The following MAP4 variants were observed in gnomAD, a reference collection of about 807,000 sequenced individuals.
MAP4 encodes microtubule-associated protein 4.
Under a neutral mutation model 170.2 loss-of-function variants are expected in MAP4, and 76 were observed. The observed-to-expected ratio is 0.45, with a 90% CI of 0.37 to 0.54. MAP4 has a LOEUF of 0.54. MAP4 is among the 20% of genes least tolerant of loss of function. MAP4 has a pLI of 0.00. For synonymous variants in MAP4, 909 were observed against 994.5 expected (o/e 0.91, Z 1.62); for missense variants, 2,506 against 2,748.0 (o/e 0.91, Z 1.97).
At chr3:47,865,889 G>A (rs191105405) in intron 17 of MAP4, among the ~76,000 whole-genome samples, 6 of 152,260 alleles carry the variant, frequency 3.9e-5, no homozygotes, top group Admixed American at 6.5e-5. Flanking sequence ...TCACACACTC[G>A]ACGATAGTAA....
chr3:47,857,824 T>C (rs1388825556), intron 17 of MAP4, among the ~76,000 whole-genome samples: 1 of 152,028 alleles, frequency 6.6e-6, no homozygotes, highest in Non-Finnish European at 1.5e-5. Flanking sequence ...TTCTCCTGCC[T>C]CAGCCTCCCG....
Position 47,852,753 on chromosome 3 carries a change from T to C in MAP4, c.*181A>G. The C allele has an allele frequency of 6.5e-7, 1 of 1,539,040 alleles. No individual in the cohort carries two copies. The highest frequency in any genetic ancestry group is 8.7e-7 in the Non-Finnish European group (1 of 1,144,120). Reference sequence around the variant, plus strand: ...CGCAAAGCAGGAGGGAAGGCGAGCCTAGCGGGCTGCCCAGCACGGCGCCCA... The same window carrying C: ...CGCAAAGCAGGAGGGAAGGCGAGCCCAGCGGGCTGCCCAGCACGGCGCCCA... On this transcript the variant is annotated 3_prime_UTR_variant, in exon 21 of 21. Transcript: ENST00000683076.
At chr3:47,986,176 G>A (rs1427856007) in intron 2 of MAP4, among the ~76,000 whole-genome samples, 7 of 152,120 alleles carry the variant, frequency 4.6e-5, no homozygotes, top group Admixed American at 4.6e-4. Flanking sequence ...TTGGGGTCTT[G>A]CTATGTTACC....
chr3:47,942,993 C>T (rs1175972164), intron 3 of MAP4, among the ~76,000 whole-genome samples: 2 of 151,916 alleles, frequency 1.3e-5, no homozygotes, highest in Admixed American at 6.6e-5. Context: ...GCACACCTGT[C>T]GTCCCAGTTA....
In MAP4 at chr3:47,916,661, T is replaced by A; in HGVS notation, c.1166A>T (p.Asp389Val). 2 of 1,614,166 alleles carry A rather than the reference T, an allele frequency of 1.2e-6. No homozygotes were observed. Among genetic ancestry groups the A allele is most frequent in the Non-Finnish European group, 1.7e-6 (2 of 1,180,006 alleles). ...ETERASPIKM[D>V]LAPSKDMGPP... ...TCCCATGTCCTTGGAAGGAGCCAAG[T>A]CCATTTTTATAGGAGATGCCCTCTC... The change falls in exon 7 of 21, where the codon GAC becomes GTC. Residue 389 changes from aspartate (D) to valine (V), a missense_variant. By Grantham distance (152) the Asp-to-Val change is radical (BLOSUM62 -3). This residue lies in a region of MAP4 where 2,008 missense variants were observed against 2,206.0 expected (regional missense o/e 0.91). Coordinates refer to ENST00000683076, the MANE Select transcript of MAP4 (RefSeq NM_001385682.1).
chr3:48,041,429 C>T (rs953280817), intron 1 of MAP4, among the ~76,000 whole-genome samples: 1 of 150,852 alleles, frequency 6.6e-6, no homozygotes, highest in South Asian at 2.1e-4. Context: ...ACAATTTATA[C>T]TCTGAAAAAT....
At chr3:47,970,376 T>G (rs2100077879) in intron 3 of MAP4, among the ~76,000 whole-genome samples, 1 of 151,518 alleles carries the variant, frequency 6.6e-6, no homozygotes, top group Admixed American at 6.6e-5. Context: ...TCCCAGCTAC[T>G]TGGGAGGCTG....
rs1481308557 is a variant in MAP4, at chr3:48,003,907, A to T, written c.-19-5028T>A. ...AGAGGCAAGAGGGGCCTAGCCTCCC[A>T]GTCTACATCTTTCTCCTGTGCTGGA... On this transcript the variant is annotated intron_variant, in intron 1 of 20. Transcript: ENST00000683076. Among the ~76,000 whole-genome samples, 14 of 152,252 alleles carry T rather than the reference A, an allele frequency of 9.2e-5. 1 individual carries two copies. The East Asian group carries it at 2.5e-3, about 27-fold the overall frequency.
Position 47,909,549 on chromosome 3 carries a change from G to A in MAP4, c.4872C>T (p.Asp1624=), listed in dbSNP as rs757866608. The stretch of plus-strand genomic sequence containing the variant: ...GCTTTTGTGCTTTGTCTTCCAGTAA[G>A]TCAGGAATCTGAACTGCAACAGACC... ...KEGSVAVQIP[D]LLEDKAQKLS... Residue 1624 remains aspartate, a synonymous_variant, in exon 9 of 21, where the codon GAC becomes GAT. Coordinates refer to ENST00000683076, the MANE Select transcript of MAP4 (RefSeq NM_001385682.1). The A allele has an allele frequency of 9.9e-6, 16 of 1,612,370 alleles. No homozygotes were observed. The East Asian group carries it at 3.1e-4, about 31-fold the overall frequency.
Position 47,852,794 on chromosome 3 carries a change from A to G in MAP4, c.*140T>C. 1 of 1,548,744 alleles carries G rather than the reference A, an allele frequency of 6.5e-7. No individual in the cohort carries two copies. The highest frequency in any genetic ancestry group is 1.2e-5 in the South Asian group (1 of 84,110). ...ACGGCGCCCAAGCGCTCACTGGTCTAGTGGACAGCCCGGGAAAGGGGGCCA... is the reference window on the plus strand; with the variant it reads ...ACGGCGCCCAAGCGCTCACTGGTCTGGTGGACAGCCCGGGAAAGGGGGCCA... On this transcript the variant is annotated 3_prime_UTR_variant, in exon 21 of 21. Coordinates refer to ENST00000683076, the MANE Select transcript of MAP4 (RefSeq NM_001385682.1).
intron 7 of MAP4, among the ~76,000 whole-genome samples, chr3:47,915,203 G>A (rs531189584): frequency 4.0e-5 from 6 of 150,684 alleles, no homozygotes; most frequent in Non-Finnish European, 7.4e-5. Context: ...CACAACCTCC[G>A]TCTCCCAGGT....
intron 1 of MAP4, among the ~76,000 whole-genome samples, chr3:48,059,818 T>G (rs1466302121): frequency 2.0e-5 from 3 of 151,768 alleles, no homozygotes; most frequent in Admixed American, 2.0e-4. Context: ...CCATCTCTAC[T>G]AAAATACAAA....
At chr3:48,086,488 A>C (rs2100149124) in intron 1 of MAP4, among the ~76,000 whole-genome samples, 1 of 151,982 alleles carries the variant, frequency 6.6e-6, no homozygotes, top group Admixed American at 6.6e-5. Flanking sequence ...AAAATACAAA[A>C]ATCAGCCGAG....
chr3:47,995,306 A>AGT (rs1197208695), intron 2 of MAP4, among the ~76,000 whole-genome samples: 1 of 140,206 alleles, frequency 7.1e-6, no homozygotes, highest in East Asian at 2.1e-4. Flanking sequence ...GCTGGAGTGC[A>AGT]GTGGCACGCT....
rs923099639 is a variant in MAP4, at chr3:47,912,488, C to A, written c.2000-67G>T. ...AAACAACAAAAAACAAACAAACAAA[C>A]AAAAAAACCAGACCATATAAATGAC... On this transcript the variant is annotated intron_variant, in intron 8 of 20. Coordinates refer to ENST00000683076, the MANE Select transcript of MAP4 (RefSeq NM_001385682.1). 26 of 1,354,350 alleles carry A rather than the reference C, an allele frequency of 1.9e-5. No individual in the cohort carries two copies. In the South Asian group the frequency reaches 2.3e-4, roughly 12 times the overall value. 83.9% of individuals were successfully genotyped at this position (1,354,350 alleles called of 1,614,324 possible).
At chr3:47,905,009 AC>A (rs1028727959) in intron 9 of MAP4, among the ~76,000 whole-genome samples, 3 of 152,154 alleles carry the variant, frequency 2.0e-5, no homozygotes, top group African/African-American at 7.2e-5. Context: ...AACAATGGAA[AC>A]CATGGGTGAC....
chr3:47,909,287 A>C lies in MAP4; in HGVS notation c.5134T>G (p.Leu1712Val). ...CCCTTGGAAGCAGTCATTATTACTA[A>C]CGTATCCGCCACCTCTGAAGGAGGA... ...EAPPSEVADT[L>V]VIMTASKGVR... The change falls in exon 9 of 21, where the codon TTA becomes GTA. Residue 1712 changes from leucine to valine, a missense_variant. Coordinates refer to ENST00000683076, the MANE Select transcript of MAP4 (RefSeq NM_001385682.1). 6.2e-7 allele frequency: 1 copy of C among 1,613,886 alleles called. No homozygotes were observed. Among genetic ancestry groups the C allele is most frequent in the Non-Finnish European group, 8.5e-7 (1 of 1,179,838 alleles).
chr3:48,073,008 A>G (rs1055264914), intron 1 of MAP4, among the ~76,000 whole-genome samples: 4 of 151,024 alleles, frequency 2.6e-5, no homozygotes, highest in African/African-American at 9.8e-5. Context: ...AAGCTGGTGG[A>G]TCACTTGAGG....
At chr3:48,066,607 C>G (rs2100138341) in intron 1 of MAP4, among the ~76,000 whole-genome samples, 1 of 151,972 alleles carries the variant, frequency 6.6e-6, no homozygotes, top group Admixed American at 6.6e-5. Context: ...GATTCTCGTG[C>G]CTGAACCTCC....
Sources: allele counts gnomAD v4.1 joint callset (sites outside exome capture counted in the v4.1 genomes callset), GRCh38; gene constraint gnomAD v4.1.1; regional missense constraint gnomAD v4.1.1; transcripts MANE v1.5; gene names NCBI Gene and HGNC (gene_info 2026-07-23, HGNC 2026-07-21).